Variants in NFYC observed in about 807,000 individuals in gnomAD.
NFYC encodes CAAT box DNA-binding protein subunit C.
A neutral mutation model predicts 53.1 loss-of-function variants in NFYC; 25 were observed. That is an observed-to-expected ratio of 0.47 (90% confidence interval 0.34 to 0.66). NFYC has a LOEUF of 0.66. Among genes scored for constraint, NFYC ranks in the 30% least tolerant of loss-of-function variants. NFYC has a pLI of 0.01. For missense variants in NFYC, 260 were observed against 422.7 expected (o/e 0.62, Z 3.38); for synonymous variants, 145 against 152.6 (o/e 0.95, Z 0.37).
chr1:40,767,072 C>G, intron 8 of NFYC: 1 of 1,147,440 alleles, frequency 8.7e-7, no homozygotes, highest in Non-Finnish European at 1.3e-6. Flanking sequence ...GTTCTGGCAC[C>G]TCCTGTGCTC....
intron 1 of NFYC, among the ~76,000 whole-genome samples, chr1:40,722,602 C>T (rs180961785): frequency 3.9e-5 from 6 of 152,288 alleles, no homozygotes; most frequent in Middle Eastern, 3.4e-3. Context: ...TGATATGATG[C>T]CATCTGGCAT....
intron 1 of NFYC, among the ~76,000 whole-genome samples, chr1:40,695,284 A>G (rs1643067199): frequency 6.6e-6 from 1 of 152,240 alleles, no homozygotes; most frequent in South Asian, 2.1e-4. Flanking sequence ...AGAAGATTTT[A>G]CAAGGCATTT....
chr1:40,737,822 G>A (rs753207035), intron 1 of NFYC, among the ~76,000 whole-genome samples: 2 of 151,832 alleles, frequency 1.3e-5, no homozygotes, highest in African/African-American at 2.4e-5. Flanking sequence ...AGATTAGAAG[G>A]AATAATCATC....
chr1:40,694,936 C>G (rs185929726), intron 1 of NFYC, among the ~76,000 whole-genome samples: 1 of 152,292 alleles, frequency 6.6e-6, no homozygotes, highest in East Asian at 1.9e-4. Flanking sequence ...CTCATTTATA[C>G]TTACACATTT....
chr1:40,732,350 A>G (rs1204712354), intron 1 of NFYC, among the ~76,000 whole-genome samples: 1 of 152,222 alleles, frequency 6.6e-6, no homozygotes, highest in South Asian at 2.1e-4. Flanking sequence ...ATTTTGATAC[A>G]TCCTGTTGTT....
At chr1:40,728,775 T>G (rs1644635087) in intron 1 of NFYC, among the ~76,000 whole-genome samples, 1 of 151,930 alleles carries the variant, frequency 6.6e-6, no homozygotes, top group African/African-American at 2.4e-5. Context: ...GTAGCTGGGA[T>G]TACAGGTGCC....
chr1:40,759,156 G>A (rs1646394831), intron 6 of NFYC, among the ~76,000 whole-genome samples: 1 of 151,794 alleles, frequency 6.6e-6, no homozygotes, highest in Non-Finnish European at 1.5e-5. Flanking sequence ...AGGAACCCAG[G>A]AGTTTGAGGT....
chr1:40,725,070 A>G (rs1017516468), intron 1 of NFYC, among the ~76,000 whole-genome samples: 6 of 152,220 alleles, frequency 3.9e-5, no homozygotes, highest in African/African-American at 1.2e-4. Context: ...GTAGCCTGCC[A>G]GTAAATATGA....
chr1:40,766,738 G>T (rs755230141), intron 8 of NFYC, 35 bp downstream of exon 8: 4 of 1,590,254 alleles, frequency 2.5e-6, no homozygotes, highest in Non-Finnish European at 3.5e-6. Context: ...CTGTGTTGGA[G>T]ACCAGGAGCA....
At chr1:40,741,805 T>C (rs1161431649) in intron 2 of NFYC, among the ~76,000 whole-genome samples, 1 of 152,132 alleles carries the variant, frequency 6.6e-6, no homozygotes. Flanking sequence ...GGTCCCACCA[T>C]GTTACCCTGG....
intron 1 of NFYC, among the ~76,000 whole-genome samples, chr1:40,722,381 T>G (rs1336481512): frequency 6.6e-6 from 1 of 152,174 alleles, no homozygotes; most frequent in African/African-American, 2.4e-5. Flanking sequence ...AAAAATTATT[T>G]CATGTTTATA....
chr1:40,765,061 C>A (rs1312373326), intron 7 of NFYC, among the ~76,000 whole-genome samples: 1 of 152,168 alleles, frequency 6.6e-6, no homozygotes, highest in Non-Finnish European at 1.5e-5. Context: ...GTTCTGGGGA[C>A]TCCTGGAACT....
chr1:40,758,177 G>A lies in NFYC; in HGVS notation c.444G>A (p.Leu148=), dbSNP rs1292711984. 15 of 1,612,582 alleles carry A rather than the reference G, an allele frequency of 9.3e-6. No individual in the cohort carries two copies. The highest frequency in any genetic ancestry group is 1.3e-5 in the Non-Finnish European group (15 of 1,179,992). ...PAEPVQYYFT[L]AQQPTAVQVQ... Reference sequence around the variant, plus strand: ...AGCCAGTCCAGTACTATTTCACGCTGGCTCAGCAACCCACCGCTGTCCAAG... The same window carrying A: ...AGCCAGTCCAGTACTATTTCACGCTAGCTCAGCAACCCACCGCTGTCCAAG... The change falls in exon 6 of 10, where the codon CTG becomes CTA. Residue 148 remains leucine (L), a synonymous_variant. Transcript: ENST00000447388.
chr1:40,760,480 G>T (rs1209550079), intron 6 of NFYC, among the ~76,000 whole-genome samples: 2 of 152,112 alleles, frequency 1.3e-5, no homozygotes, highest in East Asian at 1.9e-4. Flanking sequence ...CAGTACTTTG[G>T]GAGGCCGAGG....
intron 1 of NFYC, among the ~76,000 whole-genome samples, chr1:40,716,573 G>A (rs1209506439): frequency 6.6e-6 from 1 of 152,078 alleles, no homozygotes; most frequent in Non-Finnish European, 1.5e-5. Context: ...TGAAAATCTG[G>A]GGTAGTAGAG....
At chr1:40,710,802 A>G (rs976805753) in intron 1 of NFYC, among the ~76,000 whole-genome samples, 2 of 152,214 alleles carry the variant, frequency 1.3e-5, no homozygotes, top group Non-Finnish European at 2.9e-5. Context: ...TAGCAAGTCA[A>G]AGTTCCTGGA....
chr1:40,757,998 G>A (rs1646323979), intron 5 of NFYC, 123 bp from the exon 6 acceptor site: 4 of 1,035,664 alleles, frequency 3.9e-6, no homozygotes, highest in Non-Finnish European at 2.9e-6. Context: ...GGCTTCAAAT[G>A]TGGAGAGCTC....
chr1:40,754,314 T>TA (rs1382093807), intron 5 of NFYC: 1 of 534,126 alleles, frequency 1.9e-6, no homozygotes, highest in Non-Finnish European at 3.8e-6. Flanking sequence ...GTCACCTCCT[T>TA]ACTAGAGTAG....
rs550050083 is a variant in NFYC, at chr1:40,725,576, A to G, written c.-8-13260A>G. On this transcript the variant is annotated intron_variant, in intron 1 of 9. Transcript: ENST00000447388. ...TCCTAAGGTCCATCTGTGTAAACAT[A>G]AAAACCAAATAGTCTGTTAGTAAAT... is the stretch of plus-strand genomic sequence containing the variant. Among the ~76,000 whole-genome samples the G allele has an allele frequency of 1.4e-4, 21 of 152,354 alleles. 1 individual carries two copies. In the South Asian group the frequency reaches 3.7e-3, roughly 27 times the overall value.
Sources: gnomAD v4.1 joint callset for allele counts (sites outside exome capture counted in the v4.1 genomes callset) on GRCh38, gnomAD v4.1.1 for gene constraint, MANE v1.5 for transcripts, NCBI Gene and HGNC (gene_info 2026-07-23, HGNC 2026-07-21) for gene names.